GREB1: variants seen among roughly 807,000 people sequenced by gnomAD.
GREB1 encodes the protein growth regulating estrogen receptor binding 1.
Under a neutral mutation model 200.7 loss-of-function variants are expected in GREB1, and 106 were observed. That is an observed-to-expected ratio of 0.53 (90% CI 0.45 to 0.62). GREB1 has a LOEUF of 0.62. Ranked by LOEUF, GREB1 falls within the 20% of genes least tolerant of loss-of-function variation. The pLI is 0.00. For synonymous variants in GREB1, 1,132 were observed against 1,092.4 expected (o/e 1.04, Z -0.72); for missense variants, 2,243 against 2,556.8 (o/e 0.88, Z 2.65).
intron 2 of GREB1, among the ~76,000 whole-genome samples, chr2:11,559,517 G>T (rs1385681449): frequency 6.6e-6 from 1 of 152,184 alleles, no homozygotes; most frequent in African/African-American, 2.4e-5. Context: ...TCACATGCAG[G>T]CATTCCCGGG....
intron 3 of GREB1, among the ~76,000 whole-genome samples, chr2:11,565,770 C>A (rs72772060): frequency 0.068 from 10,423 of 152,206 alleles, 333 homozygotes; most frequent in Middle Eastern, 0.12. Flanking sequence ...GACCCCCTAG[C>A]GGAAACTGAC....
At position 11,566,634 on chromosome 2, in the gene GREB1, C is replaced by T; in HGVS notation, c.432C>T (p.Asp144=). 1 of 1,613,254 alleles carries T rather than the reference C, an allele frequency of 6.2e-7. No homozygotes were observed. Among genetic ancestry groups the T allele is most frequent in the South Asian group, 1.1e-5 (1 of 90,922 alleles). The part of the protein sequence containing the change: ...CAVDKRFLPD[D]NGHNALLGFS... ...TTGACAAGAGGTTCTTGCCAGATGA[C>T]AATGGCCACAATGCTCTTCTTGGTA... Residue 144 remains aspartate, a synonymous_variant, in exon 4 of 33, where the codon GAC becomes GAT. Transcript: ENST00000381486.
intron 13 of GREB1, among the ~76,000 whole-genome samples, chr2:11,596,994 G>T (rs1296152388): frequency 6.6e-6 from 1 of 151,808 alleles, no homozygotes; most frequent in East Asian, 1.9e-4. Flanking sequence ...GTGACATGGG[G>T]CAGTGGGCAT....
In GREB1 at chr2:11,492,236, C is replaced by T. The variant is rs1219457599; in HGVS notation, c.-159+9855C>T. Among the ~76,000 whole-genome samples the T allele has an allele frequency of 6.6e-6, 1 of 152,202 alleles. No individual in the cohort carries two copies. The highest frequency in any genetic ancestry group is 2.4e-5 in the African/African-American group (1 of 41,446). On this transcript the variant is annotated intron_variant, in intron 1 of 2. Coordinates refer to the GREB1 transcript ENST00000628795. The surrounding 1 kb of genome is among the most constrained non-coding windows in gnomAD (Gnocchi z 4.0). ...GCCTGAGTGGGCTCTTCCCTCATGC[C>T]CACCCCACTTGGTAGAAGCAACCAT...
intron 26 of GREB1, 94 bp downstream of exon 26, chr2:11,630,203 A>G: frequency 4.9e-6 from 6 of 1,218,772 alleles, no homozygotes; most frequent in Admixed American, 2.0e-5. Flanking sequence ...GAGGGAGTGC[A>G]GACACCGATA....
At chr2:11,637,017 CAG>C (rs1292580263) in intron 30 of GREB1, among the ~76,000 whole-genome samples, 2 of 84,798 alleles carry the variant, frequency 2.4e-5, no homozygotes, top group Admixed American at 1.3e-4. Flanking sequence ...GGGGCAGGGA[CAG>C]AGGCAGGGGC....
intron 1 of GREB1, among the ~76,000 whole-genome samples, chr2:11,522,016 T>C (rs1673721427): frequency 6.6e-6 from 1 of 152,070 alleles, no homozygotes; most frequent in African/African-American, 2.4e-5. Context: ...AAATACGGAG[T>C]TGTCTGCAGG....
chr2:11,577,726 G>A (rs987488765), intron 5 of GREB1, among the ~76,000 whole-genome samples: 2 of 152,182 alleles, frequency 1.3e-5, no homozygotes, highest in African/African-American at 2.4e-5. Flanking sequence ...CTCTGGGCAC[G>A]CCCCCCTCAC....
chr2:11,498,259 A>T (rs988946618), intron 1 of GREB1, among the ~76,000 whole-genome samples: 13 of 151,370 alleles, frequency 8.6e-5, no homozygotes, highest in African/African-American at 2.9e-4. Flanking sequence ...ATGATCCTTT[A>T]TGAGTTAATT....
chr2:11,575,976 C>T (rs914955943), intron 4 of GREB1, among the ~76,000 whole-genome samples: 3 of 152,194 alleles, frequency 2.0e-5, no homozygotes, highest in Non-Finnish European at 4.4e-5. Flanking sequence ...CTCTTTCATT[C>T]GAGTTGAGGC....
intron 19 of GREB1, 49 bp downstream of exon 19, chr2:11,612,659 T>A: frequency 8.2e-7 from 1 of 1,224,118 alleles, no homozygotes. Context: ...GCTGGCTGCC[T>A]GGGCCCCCTC....
In GREB1 at chr2:11,618,735, C is replaced by G. The variant is rs779781307; in HGVS notation, c.3860C>G (p.Pro1287Arg). 6.2e-7 allele frequency: 1 copy of G among 1,613,548 alleles called. No homozygotes were observed. The highest frequency in any genetic ancestry group is 1.1e-5 in the South Asian group (1 of 91,022). Residue 1287 changes from proline to arginine, a missense_variant, in exon 22 of 33, where the codon CCC (proline) becomes CGC (arginine). By Grantham distance (103) the Pro-to-Arg change is moderately radical. Coordinates refer to ENST00000381486, the MANE Select transcript of GREB1 (RefSeq NM_014668.4). The stretch of plus-strand genomic sequence containing the variant: ...AAGGCCGCCTCCCTCCTGCCCTCCC[C>G]CTCGGTCATGTGGGCCAGCTCTTTC... ...LPKAASLLPS[P>R]SVMWASSFRP...
upstream of GREB1, chr2:11,534,024 G>A (rs192130201): frequency 6.6e-6 from 1 of 152,134 alleles, no homozygotes; most frequent in Non-Finnish European, 1.5e-5. Context: ...CTAATAAAAA[G>A]GGCAGCACCG....
In GREB1 at chr2:11,640,709, C is replaced by A. The variant is rs772298655; in HGVS notation, c.*255C>A. 55 of 452,312 alleles carry A rather than the reference C, an allele frequency of 1.2e-4. No homozygotes were observed. Among genetic ancestry groups the A allele is most frequent in the Non-Finnish European group, 2.0e-4 (52 of 258,226 alleles). The allele number at this position is 452,312 out of a possible 1,614,324, so 28.0% of individuals were successfully genotyped here. On this transcript the variant is annotated 3_prime_UTR_variant, in exon 33 of 33. Coordinates refer to ENST00000381486, the MANE Select transcript of GREB1 (RefSeq NM_014668.4). The surrounding 1 kb of genome is among the most constrained non-coding windows in gnomAD (Gnocchi z 4.6). ...CCATTGCTCTGGGCTGTTTTAAAGC[C>A]CATTTCACGAGGAACAAAGATTTAC...
rs61741337 is a variant in GREB1 at position 11,618,577 on chromosome 2, G to T, written c.3702G>T (p.Ala1234=). The change falls in exon 22 of 33, where the codon GCG becomes GCT. Residue 1234 remains alanine (A), a synonymous_variant. Transcript: ENST00000381486. The part of the protein sequence containing the change: ...SSSGSSSSSV[A]PAAGTWVLQA... The stretch of plus-strand genomic sequence containing the variant: ...CGGGCTCATCCTCCTCATCCGTGGC[G>T]CCCGCTGCCGGCACGTGGGTCCTGC... 109 of 1,612,788 alleles carry T rather than the reference G, an allele frequency of 6.8e-5. No homozygotes were observed. The highest frequency in any genetic ancestry group is 9.0e-5 in the Non-Finnish European group (106 of 1,179,886).
rs1685747716 is a variant in GREB1 at position 11,640,577 on chromosome 2, C to G, written c.*123C>G. 8.7e-7 allele frequency: 1 copy of G among 1,144,180 alleles called. No individual in the cohort carries two copies. The highest frequency in any genetic ancestry group is 1.5e-5 in the African/African-American group (1 of 64,720). 70.9% of individuals were successfully genotyped at this position (1,144,180 alleles called of 1,614,324 possible). A position where few individuals can be genotyped will look rare whatever the true frequency, so the allele number is the denominator to read the frequency against. ...ATGGACCCCAGGGACTGTCCAGGTG[C>G]AGCCCCTCCTAGTACACATGGGCCC... On this transcript the variant is annotated 3_prime_UTR_variant, in exon 33 of 33. Coordinates refer to ENST00000381486, the MANE Select transcript of GREB1 (RefSeq NM_014668.4). This position sits in a 1 kb window ranked among gnomAD's most constrained non-coding sequence, Gnocchi z 4.6.
chr2:11,534,042 C>T (rs1674175068), upstream of GREB1: 1 of 152,214 alleles, frequency 6.6e-6, no homozygotes, highest in African/African-American at 2.4e-5. Flanking sequence ...CCGTTTTACA[C>T]ATGCTAAATG....
rs1202232909 is a variant in GREB1 at position 11,483,685 on chromosome 2, GGGGT to G, written c.-159+1306_-159+1309del. Among the ~76,000 whole-genome samples the G allele has an allele frequency of 8.5e-3, 868 of 102,118 alleles. 10 individuals are homozygous for G. Among genetic ancestry groups the G allele is most frequent in the African/African-American group, 0.033 (825 of 24,870 alleles). The allele number at this position is 102,118 out of a possible 152,430, so 67.0% of individuals were successfully genotyped here. A position where few individuals can be genotyped will look rare whatever the true frequency, so the allele number is the denominator to read the frequency against. ...AGGCTGCTTCCCCGAAGTACAAGAA[GGGGT>G]GTGTGTGTGTGTGTGTGTGTGTGTG... is the stretch of plus-strand genomic sequence containing the variant. On this transcript the variant is annotated intron_variant, in intron 1 of 2. Transcript: ENST00000628795.
rs983861437 is a variant in GREB1, at chr2:11,630,207, A to G, written c.4611+98A>G. 1.1e-5 allele frequency: 13 copies of G among 1,175,042 alleles called. No individual in the cohort carries two copies. In the East Asian group the frequency reaches 3.0e-4, roughly 27 times the overall value. The allele number at this position is 1,175,042 out of a possible 1,614,324, so 72.8% of individuals were successfully genotyped here. The stretch of plus-strand genomic sequence containing the variant: ...GAGCTTCCTGTGAGGGAGTGCAGAC[A>G]CCGATACAGGGACTGAACTTGGAGG... On this transcript the variant is annotated intron_variant, in intron 26 of 32. Transcript: ENST00000381486.
Sources: gnomAD v4.1 joint callset for allele counts (sites outside exome capture counted in the v4.1 genomes callset) on GRCh38, gnomAD v4.1.1 for gene constraint, Gnocchi (gnomAD v3.1) non-coding constraint, MANE v1.5 for transcripts, NCBI Gene and HGNC (gene_info 2026-07-23, HGNC 2026-07-21) for gene names.